MAGED1: variants seen among roughly 807,000 people sequenced by gnomAD.
MAGED1 encodes the protein melanoma-associated antigen D1.
In MAGED1, 3 loss-of-function variants were observed where a neutral mutation model predicts 54.1. The ratio of observed to expected loss-of-function variants is 0.06; its 90% CI spans 0.03 to 0.14. The LOEUF (loss-of-function observed/expected upper bound fraction) is 0.14, where lower values mean the gene tolerates loss of function less well. Among genes scored for constraint, MAGED1 ranks in the 10% least tolerant of loss-of-function variants. The pLI is 1.00. For missense variants in MAGED1, 485 were observed against 623.4 expected, an observed-to-expected ratio of 0.78 and a Z score of 2.36; for synonymous variants, 217 against 227.3, an observed-to-expected ratio of 0.95 and a Z score of 0.41.
At chrX:51,830,514 A>C (rs1929325522) in intron 1 of MAGED1, among the ~76,000 whole-genome samples, 1 of 110,737 alleles carries the variant, frequency 9.0e-6, no homozygotes, top group Non-Finnish European at 1.9e-5. Flanking sequence ...TTCCAAAATA[A>C]CACCAATACC....
At chrX:51,876,204 G>C (rs1557361993) in intron 1 of MAGED1, among the ~76,000 whole-genome samples, 1 of 110,690 alleles carries the variant, frequency 9.0e-6, no homozygotes, top group Non-Finnish European at 1.9e-5. Context: ...TAAACTCTAT[G>C]AATGTAGTGA....
chrX:51,895,352 A>G lies in MAGED1; in HGVS notation c.345A>G (p.Gln115=), dbSNP rs200269066. 2 of 1,208,121 alleles carry G rather than the reference A, an allele frequency of 1.7e-6. No individual in the cohort carries two copies. The highest frequency in any genetic ancestry group is 2.2e-6 in the Non-Finnish European group (2 of 894,246). Residue 115 remains glutamine, a synonymous_variant, in exon 3 of 13, where the codon CAA becomes CAG. Coordinates refer to ENST00000326587, the MANE Select transcript of MAGED1 (RefSeq NM_006986.4). ...NTQPKAAFKS[Q]NATPKGPNAA... is the part of the protein sequence containing the mutation. ...AGCCCAAGGCAGCCTTTAAGTCCCA[A>G]AATGCTACCCCAAAGGGTCCAAATG...
chrX:51,846,047 A>AT (rs1241875471), intron 1 of MAGED1, among the ~76,000 whole-genome samples: 2 of 111,600 alleles, frequency 1.8e-5, no homozygotes, highest in African/African-American at 6.5e-5. Context: ...AAGCGCTGGG[A>AT]TTACAGGCAT....
At chrX:51,900,121 T>C (rs1928944351) in intron 10 of MAGED1, 61 bp from the exon 11 acceptor site, 1 of 715,077 alleles carries the variant, frequency 1.4e-6, no homozygotes, top group Non-Finnish European at 2.2e-6. Flanking sequence ...AGATTATTTT[T>C]CATTAGTGGA....
intron 1 of MAGED1, among the ~76,000 whole-genome samples, chrX:51,867,433 T>G (rs1488363729): frequency 3.6e-5 from 4 of 111,816 alleles, no homozygotes; most frequent in African/African-American, 1.3e-4. Context: ...GTCCCAAAAC[T>G]GAAGAACTTG....
intron 7 of MAGED1, 45 bp downstream of exon 7, chrX:51,897,931 T>C: frequency 9.5e-7 from 1 of 1,050,652 alleles, no homozygotes; most frequent in Admixed American, 2.4e-5. Context: ...TCAGTGGTGC[T>C]TTTTTTCTAG....
At chrX:51,838,152 C>G in intron 1 of MAGED1, among the ~76,000 whole-genome samples, 1 of 112,310 alleles carries the variant, frequency 8.9e-6, no homozygotes, top group Non-Finnish European at 1.9e-5. Context: ...TACTACTTTC[C>G]GCTGTCTCAG....
At chrX:51,842,915 T>C (rs782112150) in intron 1 of MAGED1, among the ~76,000 whole-genome samples, 1 of 109,990 alleles carries the variant, frequency 9.1e-6, no homozygotes, top group South Asian at 4.1e-4. Context: ...GGCTGGTCTC[T>C]AACTCCTGAG....
At chrX:51,824,040 T>A (rs1430463943) in intron 1 of MAGED1, among the ~76,000 whole-genome samples, 1 of 111,925 alleles carries the variant, frequency 8.9e-6, no homozygotes, top group East Asian at 2.8e-4. Context: ...GAATTGCAAA[T>A]TTTAAAAAAG....
chrX:51,829,544 T>A (rs782131245), intron 1 of MAGED1, among the ~76,000 whole-genome samples: 138 of 109,950 alleles, frequency 1.3e-3, no homozygotes, highest in African/African-American at 4.2e-3. Context: ...AAAAAAAAAA[T>A]TAGGGGACTG....
chrX:51,868,269 GTGTGTGTGTT>G (rs1230023162), intron 1 of MAGED1, among the ~76,000 whole-genome samples: 20 of 111,528 alleles, frequency 1.8e-4, no homozygotes, highest in African/African-American at 5.9e-4. Flanking sequence ...AAGTAAGTGT[GTGTGTGTGTT>G]TGTGTGTGTG....
intron 1 of MAGED1, among the ~76,000 whole-genome samples, chrX:51,848,647 A>G (rs1331066521): frequency 1.8e-5 from 2 of 111,700 alleles, no homozygotes; most frequent in South Asian, 3.8e-4. Flanking sequence ...TCTGATCATA[A>G]TGGTACTGTA....
chrX:51,841,121 GC>G (rs1342549598), intron 1 of MAGED1, among the ~76,000 whole-genome samples: 1 of 103,784 alleles, frequency 9.6e-6, no homozygotes. Context: ...TTTAATGATC[GC>G]CATTCTAACT....
intron 1 of MAGED1, among the ~76,000 whole-genome samples, chrX:51,828,304 C>T (rs1925930699): frequency 1.8e-5 from 2 of 111,929 alleles, no homozygotes; most frequent in African/African-American, 6.5e-5. Context: ...TCATCCCTTT[C>T]ACTTACTTAT....
rs1249123674 is a variant in MAGED1 at position 51,901,795 on chromosome X, C to T, written c.2202C>T (p.Phe734=). 1.7e-6 allele frequency: 2 copies of T among 1,209,692 alleles called. No individual in the cohort carries two copies. The highest frequency in any genetic ancestry group is 1.1e-6 in the Non-Finnish European group (1 of 895,275). ...CCTGGTCCAGAATTCCATTTACCTT[C>T]TGGGCCAGATACCACCAGAATGCCC... ...GDPWSRIPFT[F]WARYHQNARS... The change falls in exon 12 of 13, where the codon TTC becomes TTT. Residue 734 remains phenylalanine (F), a synonymous_variant. Transcript: ENST00000326587.
intron 1 of MAGED1, among the ~76,000 whole-genome samples, chrX:51,884,764 C>T (rs1397324052): frequency 2.7e-5 from 3 of 112,126 alleles, no homozygotes; most frequent in East Asian, 5.6e-4. Context: ...TTGTAGAAAA[C>T]GTTATACACC....
At chrX:51,894,499 A>AGG in intron 2 of MAGED1, 150 bp downstream of exon 2, 2 of 793,958 alleles carry the variant, frequency 2.5e-6, no homozygotes, top group Non-Finnish European at 3.7e-6. Context: ...CGTTTATCGA[A>AGG]GGGGGGGAGG....
At chrX:51,878,441 C>T (rs1458188284) in intron 1 of MAGED1, among the ~76,000 whole-genome samples, 1 of 111,573 alleles carries the variant, frequency 9.0e-6, no homozygotes, top group Non-Finnish European at 1.9e-5. Flanking sequence ...CAGTGATGAA[C>T]TCTATGAATG....
rs181296594 is a variant in MAGED1, at chrX:51,882,182, T to C, written c.-36-12087T>C. Among the ~76,000 whole-genome samples, 826 of 112,064 alleles carry C rather than the reference T, an allele frequency of 7.4e-3. 11 individuals are homozygous for C. The highest frequency in any genetic ancestry group is 0.025 in the African/African-American group (780 of 30,875). ...AGTCACTTCAGGAAAAAGAAAGGGA[T>C]GTTACTTATTTAGATTATTACTCAG... is the stretch of plus-strand genomic sequence containing the variant. On this transcript the variant is annotated intron_variant, in intron 1 of 12. Coordinates refer to the MAGED1 transcript ENST00000375772.
Sources: allele counts gnomAD v4.1 joint callset (sites outside exome capture counted in the v4.1 genomes callset), GRCh38; gene constraint gnomAD v4.1.1; transcripts MANE v1.5; gene names NCBI Gene and HGNC (gene_info 2026-07-23, HGNC 2026-07-21).